LOC128462377: variants seen among roughly 807,000 people sequenced by gnomAD.
At chr16:89,367,444 C>T in the LOC128462377 span, among the ~76,000 whole-genome samples, 2 of 152,144 alleles carry the variant, frequency 1.3e-5, no homozygotes, top group Non-Finnish European at 2.9e-5. Context: ...CGCTCTCAAA[C>T]GACCGGGAGT....
the LOC128462377 span, among the ~76,000 whole-genome samples, chr16:89,364,711 G>A: frequency 1.9e-3 from 296 of 152,308 alleles, 2 homozygotes; most frequent in Non-Finnish European, 3.2e-3. Context: ...CACATTCAAA[G>A]CTGCCATGGG....
the LOC128462377 span, among the ~76,000 whole-genome samples, chr16:89,337,075 A>C: frequency 6.7e-6 from 1 of 149,852 alleles, no homozygotes; most frequent in African/African-American, 2.5e-5. Context: ...AGTCCCAGCT[A>C]TTTGGGAGGC....
At chr16:89,406,994 G>A in the LOC128462377 span, among the ~76,000 whole-genome samples, 8 of 152,080 alleles carry the variant, frequency 5.3e-5, no homozygotes, top group African/African-American at 1.9e-4. Context: ...AGACCAGCCT[G>A]GACAATATGG....
chr16:89,354,296 G>T, the LOC128462377 span, among the ~76,000 whole-genome samples: 2 of 146,246 alleles, frequency 1.4e-5, no homozygotes, highest in African/African-American at 2.5e-5. Flanking sequence ...TCTCACCCTA[G>T]AATTTGAAAA....
chr16:89,322,401 C>T, the LOC128462377 span, among the ~76,000 whole-genome samples: 1 of 152,236 alleles, frequency 6.6e-6, no homozygotes, highest in Non-Finnish European at 1.5e-5. Flanking sequence ...CTCCACCAAC[C>T]ACTAGTTTGT....
At chr16:89,345,225 G>A in the LOC128462377 span, among the ~76,000 whole-genome samples, 1,620 of 152,000 alleles carry the variant, frequency 0.011, 9 homozygotes, top group East Asian at 0.03. Context: ...AAAATGGAGC[G>A]GCAAAAAAAC....
the LOC128462377 span, among the ~76,000 whole-genome samples, chr16:89,357,860 G>A: frequency 6.6e-6 from 1 of 152,256 alleles, no homozygotes; most frequent in Non-Finnish European, 1.5e-5. Flanking sequence ...CAGGGTGCTG[G>A]CTGCCCCTTT....
the LOC128462377 span, among the ~76,000 whole-genome samples, chr16:89,362,135 T>C: frequency 6.6e-6 from 1 of 152,264 alleles, no homozygotes; most frequent in African/African-American, 2.4e-5. Flanking sequence ...ATCTGACATG[T>C]GGCTTAACAA....
the LOC128462377 span, among the ~76,000 whole-genome samples, chr16:89,362,345 G>A: frequency 6.6e-6 from 1 of 152,178 alleles, no homozygotes; most frequent in East Asian, 1.9e-4. Context: ...TGCACAGCCC[G>A]CAGTCCTTGC....
chr16:89,382,986 G>T, the LOC128462377 span, among the ~76,000 whole-genome samples: 1 of 152,192 alleles, frequency 6.6e-6, no homozygotes, highest in Non-Finnish European at 1.5e-5. Flanking sequence ...GATTACAGGC[G>T]TGAGCCACCG....
the LOC128462377 span, among the ~76,000 whole-genome samples, chr16:89,387,347 C>A: frequency 6.6e-6 from 1 of 152,046 alleles, no homozygotes; most frequent in African/African-American, 2.4e-5. Flanking sequence ...AGGCCTCCCA[C>A]TCTGCACCAC....
At chr16:89,361,822 A>G in the LOC128462377 span, 1 of 152,236 alleles carries the variant, frequency 6.6e-6, no homozygotes, top group South Asian at 2.1e-4. Flanking sequence ...AATTAACCCT[A>G]AACATTTAAA....
chr16:89,329,447 G>A, the LOC128462377 span, among the ~76,000 whole-genome samples: 1 of 152,182 alleles, frequency 6.6e-6, no homozygotes, highest in African/African-American at 2.4e-5. Context: ...ACTCCCATGG[G>A]TGATGAATAG....
chr16:89,346,983 C>T, the LOC128462377 span, among the ~76,000 whole-genome samples: 5 of 152,198 alleles, frequency 3.3e-5, no homozygotes, highest in African/African-American at 1.2e-4. Context: ...TAGGAAGGCG[C>T]GAACTGTCTG....
chr16:89,337,736 G>A, the LOC128462377 span, among the ~76,000 whole-genome samples: 20 of 152,094 alleles, frequency 1.3e-4, no homozygotes, highest in African/African-American at 2.7e-4. Flanking sequence ...CACTGTGCCC[G>A]GCCTGGTCTA....
chr16:89,390,535 T>C, the LOC128462377 span, among the ~76,000 whole-genome samples: 1 of 152,126 alleles, frequency 6.6e-6, no homozygotes, highest in Non-Finnish European at 1.5e-5. Context: ...CTGTAAACTC[T>C]AGTGATCCAA....
At chr16:89,417,353 A>C in the LOC128462377 span, among the ~76,000 whole-genome samples, 12 of 152,218 alleles carry the variant, frequency 7.9e-5, no homozygotes, top group Admixed American at 2.6e-4. Flanking sequence ...AAAATATGAA[A>C]ATTTAATTTA....
chr16:89,379,687 A>T, the LOC128462377 span, among the ~76,000 whole-genome samples: 5 of 152,212 alleles, frequency 3.3e-5, no homozygotes. Flanking sequence ...GAGCGCCCCA[A>T]GCAGCACGGA....
chr16:89,383,554 C>T, the LOC128462377 span, among the ~76,000 whole-genome samples: 1 of 152,262 alleles, frequency 6.6e-6, no homozygotes, highest in Non-Finnish European at 1.5e-5. Context: ...CCATGAAGTT[C>T]CCATGGAACA....
Sources: gnomAD v4.1 joint callset for allele counts (sites outside exome capture counted in the v4.1 genomes callset) on GRCh38, gnomAD v4.1.1 for gene constraint, MANE v1.5 for transcripts.